The following ACYP2 variants were observed in gnomAD, a reference collection of about 807,000 sequenced individuals.
ACYP2 encodes acylphosphatase-2.
In ACYP2, 12 loss-of-function variants were observed where a neutral mutation model predicts 11.2. The ratio of observed to expected loss-of-function variants is 1.08; its 90% CI spans 0.69 to 1.74. ACYP2 has a LOEUF of 1.74. Among genes scored for constraint, ACYP2 ranks in the 40% most tolerant of loss-of-function variants. ACYP2 has a pLI of 0.00. For synonymous variants in ACYP2, 43 were observed against 32.2 expected, an observed-to-expected ratio of 1.33 and a Z score of -1.13; for missense variants, 134 against 101.9, an observed-to-expected ratio of 1.31 and a Z score of -1.35.
intron 6 of ACYP2, among the ~76,000 whole-genome samples, chr2:54,207,251 G>A (rs1448926514): frequency 6.7e-6 from 1 of 150,252 alleles, no homozygotes; most frequent in Non-Finnish European, 1.5e-5. Context: ...ATGATGGTGG[G>A]CAAGTTGGAA....
intron 2 of ACYP2, among the ~76,000 whole-genome samples, chr2:54,020,195 C>A (rs1344968622): frequency 6.6e-6 from 1 of 152,142 alleles, no homozygotes; most frequent in Non-Finnish European, 1.5e-5. Context: ...TCTCAGCCTC[C>A]CAAAGTGCTG....
At chr2:54,244,029 A>G in intron 6 of ACYP2, among the ~76,000 whole-genome samples, 1 of 151,932 alleles carries the variant, frequency 6.6e-6, no homozygotes, top group East Asian at 1.9e-4. Flanking sequence ...GTTTTCTTCT[A>G]GTATTTTAAT....
At chr2:54,162,516 A>T (rs1180280014) in intron 6 of ACYP2, among the ~76,000 whole-genome samples, 1 of 152,126 alleles carries the variant, frequency 6.6e-6, no homozygotes, top group Non-Finnish European at 1.5e-5. Context: ...AGCACCATGG[A>T]TATCACCTGG....
At chr2:54,169,407 C>T (rs997718324) in intron 6 of ACYP2, among the ~76,000 whole-genome samples, 5 of 152,158 alleles carry the variant, frequency 3.3e-5, no homozygotes, top group African/African-American at 9.7e-5. Context: ...TGCTCACCTT[C>T]GTTTGGATCC....
At position 54,164,655 on chromosome 2, in the gene ACYP2, G is replaced by T. The variant is rs535574493; in HGVS notation, c.404+25907G>T. On this transcript the variant is annotated intron_variant, in intron 6 of 6. Transcript: ENST00000607452. Reference sequence around the variant, plus strand: ...ACCAGGGGTGTTTGGGACCACATTTGTCCTTTTGAGGTGCCTCTTGTGGCA... The same window carrying T: ...ACCAGGGGTGTTTGGGACCACATTTTTCCTTTTGAGGTGCCTCTTGTGGCA... Among the ~76,000 whole-genome samples the T allele has an allele frequency of 5.9e-5, 9 of 152,320 alleles. No homozygotes were observed. The South Asian group carries it at 1.7e-3, about 28-fold the overall frequency.
intron 6 of ACYP2, among the ~76,000 whole-genome samples, chr2:54,161,825 T>A (rs1682723725): frequency 2.0e-5 from 3 of 152,212 alleles, no homozygotes; most frequent in Admixed American, 1.3e-4. Flanking sequence ...AGAGAGTGCT[T>A]TGTTATTTGT....
At chr2:54,018,910 G>T (rs192036116) in intron 2 of ACYP2, among the ~76,000 whole-genome samples, 1 of 152,022 alleles carries the variant, frequency 6.6e-6, no homozygotes. Flanking sequence ...ACCACACCTG[G>T]CTAATTTTTG....
intron 2 of ACYP2, among the ~76,000 whole-genome samples, chr2:53,982,941 A>G (rs1057136500): frequency 6.6e-6 from 1 of 151,850 alleles, no homozygotes; most frequent in African/African-American, 2.4e-5. Flanking sequence ...ATAAGTTAGC[A>G]TGAAATATTC....
At chr2:54,211,019 C>T (rs1685311429) in intron 6 of ACYP2, among the ~76,000 whole-genome samples, 1 of 152,192 alleles carries the variant, frequency 6.6e-6, no homozygotes, top group Admixed American at 6.5e-5. Context: ...TAGGGCCTTC[C>T]TTCTGGCCGT....
intron 2 of ACYP2, among the ~76,000 whole-genome samples, chr2:53,984,091 A>C (rs1165119365): frequency 6.6e-6 from 1 of 152,172 alleles, no homozygotes; most frequent in Non-Finnish European, 1.5e-5. Flanking sequence ...CATCATCATC[A>C]TCATAACAAA....
chr2:54,004,224 T>C (rs2104529977), intron 2 of ACYP2, among the ~76,000 whole-genome samples: 1 of 152,120 alleles, frequency 6.6e-6, no homozygotes, highest in South Asian at 2.1e-4. Flanking sequence ...GGACCTCAGG[T>C]GATCCGCCCA....
At chr2:54,199,125 T>A (rs921105501) in intron 6 of ACYP2, among the ~76,000 whole-genome samples, 3 of 152,242 alleles carry the variant, frequency 2.0e-5, no homozygotes, top group Admixed American at 2.0e-4. Flanking sequence ...CAGTCAATTC[T>A]GGTTCAAAAG....
At chr2:53,999,608 AAGACATAAAAC>A (rs1434909140) in intron 2 of ACYP2, among the ~76,000 whole-genome samples, 1 of 152,182 alleles carries the variant, frequency 6.6e-6, no homozygotes, top group Non-Finnish European at 1.5e-5. Flanking sequence ...CTGCTAGGAC[AAGACATAAAAC>A]AGGCCCTGTT....
intron 6 of ACYP2, among the ~76,000 whole-genome samples, chr2:54,177,509 A>G (rs1023616941): frequency 6.6e-6 from 1 of 151,534 alleles, no homozygotes; most frequent in African/African-American, 2.4e-5. Context: ...GCAATTAGTC[A>G]GTCTTCTCAA....
chr2:54,151,081 C>T (rs1446534418), intron 6 of ACYP2, among the ~76,000 whole-genome samples: 1 of 152,134 alleles, frequency 6.6e-6, no homozygotes, highest in African/African-American at 2.4e-5. Context: ...TGCGCATGTA[C>T]TTAAAATGTG....
intron 6 of ACYP2, among the ~76,000 whole-genome samples, chr2:54,148,800 G>C (rs1020872752): frequency 6.6e-6 from 1 of 152,182 alleles, no homozygotes; most frequent in African/African-American, 2.4e-5. Context: ...TATTCCTCTA[G>C]TGCAATATAT....
At position 54,051,267 on chromosome 2, in the gene ACYP2, T is replaced by G. The variant is rs1294989020; in HGVS notation, c.155+217T>G. On this transcript the variant is annotated intron_variant, in intron 3 of 6. Transcript: ENST00000607452. The stretch of plus-strand genomic sequence containing the variant: ...AAAATGTCATCATATGCATTTTTTG[T>G]GCAAACTTGTCAGGAAGAGCATAAG... 4.8e-6 allele frequency: 4 copies of G among 836,918 alleles called. No homozygotes were observed. The African/African-American group carries it at 5.0e-5, about 10-fold the overall frequency. The allele number at this position is 836,918 out of a possible 1,614,324, so 51.8% of individuals were successfully genotyped here.
intron 6 of ACYP2, among the ~76,000 whole-genome samples, chr2:54,281,624 T>C (rs1192856241): frequency 6.6e-6 from 1 of 152,174 alleles, no homozygotes; most frequent in Non-Finnish European, 1.5e-5. Context: ...GATGTGGAAG[T>C]TCCTTCTAGG....
chr2:54,282,381 T>C (rs773106876), intron 6 of ACYP2, among the ~76,000 whole-genome samples: 6 of 152,196 alleles, frequency 3.9e-5, no homozygotes, highest in Non-Finnish European at 5.9e-5. Context: ...ACTCCTCTTT[T>C]GTGTCCTCAC....
Sources: gnomAD v4.1 joint callset for allele counts (sites outside exome capture counted in the v4.1 genomes callset) on GRCh38, gnomAD v4.1.1 for gene constraint, MANE v1.5 for transcripts, NCBI Gene and HGNC (gene_info 2026-07-23, HGNC 2026-07-21) for gene names.